CDH13: variants seen among roughly 807,000 people sequenced by gnomAD.
The protein encoded by CDH13 is cadherin 13, also known as cadherin-13.
In CDH13, 24 loss-of-function variants were observed where a neutral mutation model predicts 63.8. The observed-to-expected ratio is 0.38, with a 90% CI of 0.27 to 0.53. CDH13 has a LOEUF of 0.53. Among genes scored for constraint, CDH13 ranks in the 20% least tolerant of loss-of-function variants. The pLI is 0.85. For missense variants in CDH13, 1,049 were observed against 903.1 expected, an observed-to-expected ratio of 1.16 and a Z score of -2.07; for synonymous variants, 503 against 355.3, an observed-to-expected ratio of 1.42 and a Z score of -4.67.
chr16:83,784,297 T>C (rs1200721151), intron 13 of CDH13, among the ~76,000 whole-genome samples: 1 of 152,000 alleles, frequency 6.6e-6, no homozygotes, highest in African/African-American at 2.4e-5. Flanking sequence ...GACATTCACG[T>C]ATATAAAGCT....
In CDH13 at chr16:82,769,117, T is replaced by C. The variant is rs535975558; in HGVS notation, c.46-89245T>C. On this transcript the variant is annotated intron_variant, in intron 1 of 13. Coordinates refer to ENST00000567109, the MANE Select transcript of CDH13 (RefSeq NM_001257.5). ...TTGTCTTCGATGAGTCTAACCATTTTATATCATTTAGATCTAAACAGACCC... is the reference window on the plus strand; with the variant it reads ...TTGTCTTCGATGAGTCTAACCATTTCATATCATTTAGATCTAAACAGACCC... 9.1e-4 allele frequency among the ~76,000 whole-genome samples: 139 copies of C among 152,324 alleles called. No homozygotes were observed. The Middle Eastern group carries it at 0.01, about 11-fold the overall frequency.
At chr16:82,637,936 C>G (rs1051512736) in intron 1 of CDH13, among the ~76,000 whole-genome samples, 4 of 152,170 alleles carry the variant, frequency 2.6e-5, no homozygotes, top group African/African-American at 9.7e-5. Context: ...GAATCCCTGT[C>G]TCATGGAGCT....
chr16:83,404,732 T>C (rs1979618), intron 6 of CDH13, among the ~76,000 whole-genome samples: 12 of 152,344 alleles, frequency 7.9e-5, no homozygotes, highest in South Asian at 4.1e-4. Flanking sequence ...TTCCCAGAAA[T>C]TGTGTTAAGA....
chr16:83,582,244 C>T (rs565714581), intron 7 of CDH13, among the ~76,000 whole-genome samples: 23 of 152,200 alleles, frequency 1.5e-4, no homozygotes, highest in East Asian at 1.9e-4. Context: ...TCTTGCTTTA[C>T]GCAGATGTTT....
chr16:83,692,134 A>T (rs935450296), intron 10 of CDH13, among the ~76,000 whole-genome samples: 1 of 152,200 alleles, frequency 6.6e-6, no homozygotes, highest in African/African-American at 2.4e-5. Context: ...CTGTGTGTGC[A>T]ATTACCAGAC....
intron 6 of CDH13, among the ~76,000 whole-genome samples, chr16:83,471,553 C>T (rs983776997): frequency 6.6e-6 from 1 of 152,176 alleles, no homozygotes; most frequent in Non-Finnish European, 1.5e-5. Context: ...GGATTACAGG[C>T]GTGAGCCACC....
chr16:83,660,071 G>C (rs1162622149), intron 8 of CDH13, among the ~76,000 whole-genome samples: 1 of 152,130 alleles, frequency 6.6e-6, no homozygotes, highest in African/African-American at 2.4e-5. Flanking sequence ...ACACTCAGAA[G>C]CCACCACGCC....
At chr16:83,318,976 C>G (rs1023928593) in intron 5 of CDH13, among the ~76,000 whole-genome samples, 24 of 151,060 alleles carry the variant, frequency 1.6e-4, no homozygotes, top group Non-Finnish European at 1.5e-5. Flanking sequence ...ATAATTCAAT[C>G]ATTATTCATT....
intron 7 of CDH13, among the ~76,000 whole-genome samples, chr16:83,566,678 G>A (rs1904283872): frequency 6.6e-6 from 1 of 152,126 alleles, no homozygotes; most frequent in African/African-American, 2.4e-5. Flanking sequence ...GTCACTCTCA[G>A]GCAAAGCCCT....
At chr16:83,240,840 G>T (rs1246867240) in intron 5 of CDH13, among the ~76,000 whole-genome samples, 2 of 148,426 alleles carry the variant, frequency 1.3e-5, no homozygotes, top group Admixed American at 6.9e-5. Flanking sequence ...GGGCCTACAG[G>T]TGTGGACCTC....
chr16:83,325,846 T>C (rs570152626), intron 5 of CDH13, among the ~76,000 whole-genome samples: 1 of 152,288 alleles, frequency 6.6e-6, no homozygotes, highest in East Asian at 1.9e-4. Context: ...CATATTCTTA[T>C]GTTGCTGCAT....
intron 11 of CDH13, among the ~76,000 whole-genome samples, chr16:83,749,052 G>C (rs570588131): frequency 5.3e-5 from 8 of 152,232 alleles, no homozygotes; most frequent in Non-Finnish European, 1.0e-4. Flanking sequence ...CGTTAACTGA[G>C]ATGAGGGGAT....
At position 83,694,430 on chromosome 16, in the gene CDH13, A is replaced by G. The variant is rs1905186132; in HGVS notation, c.1538+15969A>G. Among the ~76,000 whole-genome samples the G allele has an allele frequency of 2.0e-5, 3 of 152,200 alleles. No homozygotes were observed. The South Asian group carries it at 6.2e-4, about 32-fold the overall frequency. On this transcript the variant is annotated intron_variant, in intron 10 of 13. Coordinates refer to ENST00000567109, the MANE Select transcript of CDH13 (RefSeq NM_001257.5). ...GTTGGGATGCTATGAGGGATGATAA[A>G]GGATGGGGAGCAGTCAGGAATGAGA...
At chr16:83,073,936 G>C (rs112565614) in intron 3 of CDH13, among the ~76,000 whole-genome samples, 2 of 152,280 alleles carry the variant, frequency 1.3e-5, no homozygotes, top group African/African-American at 4.8e-5. Flanking sequence ...TAATGGTCAA[G>C]TCAGGGAATT....
intron 2 of CDH13, among the ~76,000 whole-genome samples, chr16:83,026,034 C>A (rs1915769918): frequency 6.6e-6 from 1 of 152,180 alleles, no homozygotes; most frequent in African/African-American, 2.4e-5. Flanking sequence ...TGGCCTAAAG[C>A]ACCTACTCCT....
intron 3 of CDH13, among the ~76,000 whole-genome samples, chr16:83,064,549 T>G (rs531087259): frequency 3.9e-5 from 6 of 152,318 alleles, no homozygotes; most frequent in Admixed American, 3.9e-4. Flanking sequence ...ACCTGATTAT[T>G]ATATAATGAT....
At chr16:83,432,201 C>G (rs549363951) in intron 6 of CDH13, among the ~76,000 whole-genome samples, 80 of 152,212 alleles carry the variant, frequency 5.3e-4, no homozygotes, top group African/African-American at 1.7e-3. Context: ...ATCTTTTATC[C>G]ACAAGGTTGT....
chr16:83,265,363 C>T (rs1235800423), intron 5 of CDH13, among the ~76,000 whole-genome samples: 1 of 152,102 alleles, frequency 6.6e-6, no homozygotes, highest in Non-Finnish European at 1.5e-5. Context: ...CCTTTTTCTA[C>T]TTTTAGACTT....
intron 1 of CDH13, among the ~76,000 whole-genome samples, chr16:82,701,742 C>T (rs1415293250): frequency 1.3e-5 from 2 of 152,136 alleles, no homozygotes; most frequent in East Asian, 1.9e-4. Flanking sequence ...CTAACACTTT[C>T]CATACAAATC....
Sources: gnomAD v4.1 joint callset for allele counts (sites outside exome capture counted in the v4.1 genomes callset) on GRCh38, gnomAD v4.1.1 for gene constraint, MANE v1.5 for transcripts, NCBI Gene and HGNC (gene_info 2026-07-23, HGNC 2026-07-21) for gene names.